Variants in TPRG1 observed in about 807,000 individuals in gnomAD.
TPRG1 encodes tumor protein p63 regulated 1.
TPRG1 carries 29 observed loss-of-function variants against 29.3 expected under a neutral mutation model. The observed-to-expected ratio is 0.99, with a 90% confidence interval of 0.74 to 1.35. The LOEUF (loss-of-function observed/expected upper bound fraction) is 1.35. Ranked by LOEUF, TPRG1 falls within the 40% of genes most tolerant of loss-of-function variation. TPRG1 has a pLI of 0.00. For missense variants in TPRG1, 327 were observed against 335.0 expected (o/e 0.98, Z 0.19); for synonymous variants, 130 against 116.8 (o/e 1.11, Z -0.73).
chr3:189,166,132 C>G (rs1392442566), intron 5 of TPRG1, among the ~76,000 whole-genome samples: 1 of 152,234 alleles, frequency 6.6e-6, no homozygotes, highest in Non-Finnish European at 1.5e-5. Flanking sequence ...GCCTTAGAGG[C>G]CACCATTTCC....
chr3:189,189,343 G>T (rs1289030735), intron 1 of TPRG1, among the ~76,000 whole-genome samples: 1 of 151,746 alleles, frequency 6.6e-6, no homozygotes, highest in East Asian at 1.9e-4. Context: ...AGTTATAATG[G>T]TTATATAATA....
At chr3:189,018,705 G>A (rs957563808) in intron 3 of TPRG1, among the ~76,000 whole-genome samples, 47 of 151,898 alleles carry the variant, frequency 3.1e-4, no homozygotes, top group Non-Finnish European at 5.4e-4. Flanking sequence ...GATTGACTTG[G>A]CATTGCAGGC....
At position 189,321,750 on chromosome 3, in the gene TPRG1, C is replaced by T. The variant is rs1225102261; in HGVS notation, c.*930C>T. The stretch of plus-strand genomic sequence containing the variant: ...TTTTTTAATAACAGACCTTTTTCTT[C>T]TAAAGAAATCTTTTGTAGAAGCAGC... On this transcript the variant is annotated 3_prime_UTR_variant, in exon 6 of 6. Coordinates refer to ENST00000345063, the MANE Select transcript of TPRG1 (RefSeq NM_198485.4). The T allele has an allele frequency of 6.6e-6, 1 of 152,010 alleles. No homozygotes were observed. The highest frequency in any genetic ancestry group is 2.4e-5 in the African/African-American group (1 of 41,396). The allele number at this position is 152,010 out of a possible 1,614,324, so 9.4% of individuals were successfully genotyped here.
At chr3:189,039,708 G>A (rs1393792798) in intron 4 of TPRG1, among the ~76,000 whole-genome samples, 1 of 152,158 alleles carries the variant, frequency 6.6e-6, no homozygotes, top group Non-Finnish European at 1.5e-5. Context: ...TAGTTTTGAA[G>A]ATCAAATCAT....
At chr3:189,281,285 A>G (rs1717079215) in intron 4 of TPRG1, among the ~76,000 whole-genome samples, 1 of 152,164 alleles carries the variant, frequency 6.6e-6, no homozygotes, top group African/African-American at 2.4e-5. Flanking sequence ...GAGCAATATC[A>G]CTTCCCACAA....
intron 2 of TPRG1, among the ~76,000 whole-genome samples, chr3:189,002,979 C>T (rs1712104562): frequency 6.6e-6 from 1 of 152,088 alleles, no homozygotes; most frequent in Admixed American, 6.6e-5. Context: ...ATAGTAAGAA[C>T]TCAATAAATA....
At chr3:189,239,045 A>C in intron 4 of TPRG1, 136 bp downstream of exon 4, 1 of 690,628 alleles carries the variant, frequency 1.4e-6, no homozygotes, top group East Asian at 2.9e-5. Context: ...AGTTGAAATC[A>C]TTAAACTAGA....
chr3:189,174,380 A>G (rs564904499), intron 1 of TPRG1, among the ~76,000 whole-genome samples: 15 of 152,298 alleles, frequency 9.8e-5, no homozygotes, highest in African/African-American at 3.4e-4. Flanking sequence ...CATGGATAAC[A>G]CCTGTGCTGG....
Position 189,233,188 on chromosome 3 carries a change from G to C in TPRG1, c.303-5545G>C, listed in dbSNP as rs1738946975. Among the ~76,000 whole-genome samples the C allele has an allele frequency of 3.9e-5, 6 of 152,040 alleles. No individual in the cohort carries two copies. The South Asian group carries it at 1.3e-3, about 32-fold the overall frequency. On this transcript the variant is annotated intron_variant, in intron 3 of 5. Coordinates refer to ENST00000345063, the MANE Select transcript of TPRG1 (RefSeq NM_198485.4). ...TGTATGTGTGTGTGTGTGTGTGTGT[G>C]TGTGTGTGTTTGTGTGCAAGAGAGG...
chr3:189,078,043 CCTTCCTT>C (rs1560430518), intron 4 of TPRG1, among the ~76,000 whole-genome samples: 7 of 150,030 alleles, frequency 4.7e-5, no homozygotes, highest in African/African-American at 1.7e-4. Context: ...TTCCTTCCTT[CCTTCCTT>C]CCTTCCTTCC....
intron 2 of TPRG1, among the ~76,000 whole-genome samples, chr3:189,002,730 T>C (rs967973275): frequency 6.6e-6 from 1 of 152,156 alleles, no homozygotes; most frequent in Non-Finnish European, 1.5e-5. Context: ...TTTCATCTGA[T>C]GAATATTGAA....
At chr3:189,079,423 C>T (rs569080653) in intron 4 of TPRG1, among the ~76,000 whole-genome samples, 6 of 152,266 alleles carry the variant, frequency 3.9e-5, no homozygotes, top group African/African-American at 1.4e-4. Flanking sequence ...ATTGGAAGCC[C>T]CTCAAGAATA....
intron 5 of TPRG1, among the ~76,000 whole-genome samples, chr3:189,159,832 GTTTGTGTA>G (rs1727216642): frequency 1.0e-5 from 1 of 100,264 alleles, no homozygotes; most frequent in Non-Finnish European, 2.0e-5. Context: ...TTCATGGAGT[GTTTGTGTA>G]TGTGTGTGTG....
At chr3:189,138,971 GA>G (rs890221637) in intron 3 of TPRG1, among the ~76,000 whole-genome samples, 2 of 151,876 alleles carry the variant, frequency 1.3e-5, no homozygotes. Flanking sequence ...TACTCAGACA[GA>G]AAAAAAATCT....
chr3:189,186,851 C>T (rs1352369580), intron 1 of TPRG1, among the ~76,000 whole-genome samples: 7 of 152,132 alleles, frequency 4.6e-5, no homozygotes, highest in African/African-American at 7.2e-5. Flanking sequence ...TCCCCACTAT[C>T]GCTAGATTTC....
intron 4 of TPRG1, among the ~76,000 whole-genome samples, chr3:189,078,099 T>TTCTTTCTCTCTTTCTCTCTTTCTC (rs1491515307): frequency 3.5e-4 from 16 of 45,584 alleles, no homozygotes; most frequent in African/African-American, 7.2e-4. Flanking sequence ...CTCTCTTTCT[T>TTCTTTCTCTCTTTCTCTCTTTCTC]TCTTTCTTTC....
chr3:189,223,824 C>T (rs979172939), intron 3 of TPRG1, among the ~76,000 whole-genome samples: 27 of 151,974 alleles, frequency 1.8e-4, no homozygotes, highest in African/African-American at 5.8e-4. Flanking sequence ...CAGTTTTTTG[C>T]CATATGTTAT....
chr3:189,179,485 A>G (rs577215154), intron 1 of TPRG1, among the ~76,000 whole-genome samples: 3 of 152,318 alleles, frequency 2.0e-5, no homozygotes, highest in Admixed American at 6.5e-5. Flanking sequence ...TCCTAGATCC[A>G]TAGGTATTCA....
chr3:189,182,175 A>G (rs539536598), intron 1 of TPRG1, among the ~76,000 whole-genome samples: 46 of 152,218 alleles, frequency 3.0e-4, no homozygotes, highest in Non-Finnish European at 5.9e-4. Context: ...TTGGAAGCCA[A>G]CTACTATGGT....
Sources: allele counts gnomAD v4.1 joint callset (sites outside exome capture counted in the v4.1 genomes callset), GRCh38; gene constraint gnomAD v4.1.1; transcripts MANE v1.5; gene names NCBI Gene and HGNC (gene_info 2026-07-23, HGNC 2026-07-21).